The following CIMAP1D variants were observed in gnomAD, a reference collection of about 807,000 sequenced individuals.
CIMAP1D encodes CIMAP1 family member D, also known as protein CIMAP1D.
the CIMAP1D span, among the ~76,000 whole-genome samples, chr19:468,445 G>A: frequency 2.0e-5 from 3 of 152,148 alleles, no homozygotes; most frequent in Non-Finnish European, 4.4e-5. Flanking sequence ...CTGGCAGGTC[G>A]CATGCTTAAG....
At chr19:481,448 TGGGGA>T in the CIMAP1D span, among the ~76,000 whole-genome samples, 1 of 40,698 alleles carries the variant, frequency 2.5e-5, no homozygotes, top group Non-Finnish European at 3.9e-5. Context: ...GGAAGGATGA[TGGGGA>T]AGGATGATGG....
chr19:470,686 C>T, the CIMAP1D span, among the ~76,000 whole-genome samples: 3 of 152,178 alleles, frequency 2.0e-5, no homozygotes, highest in Non-Finnish European at 4.4e-5. Flanking sequence ...CCCAGCAGGC[C>T]TCTGTCCAAA....
the CIMAP1D span, among the ~76,000 whole-genome samples, chr19:467,095 G>A: frequency 3.6e-5 from 5 of 137,224 alleles, no homozygotes; most frequent in Non-Finnish European, 7.8e-5. Context: ...GTGGATGGAC[G>A]GGTGGATAGA....
chr19:488,760 C>A, the CIMAP1D span, among the ~76,000 whole-genome samples: 3 of 152,188 alleles, frequency 2.0e-5, no homozygotes, highest in Non-Finnish European at 4.4e-5. Flanking sequence ...CAGGACCCGG[C>A]TTCCCAGTCT....
chr19:483,230 C>T, the CIMAP1D span, among the ~76,000 whole-genome samples: 1 of 151,756 alleles, frequency 6.6e-6, no homozygotes, highest in Non-Finnish European at 1.5e-5. Flanking sequence ...CTCACAGCCA[C>T]GGCCCAGTCC....
the CIMAP1D span, among the ~76,000 whole-genome samples, chr19:468,910 C>T: frequency 7.7e-6 from 1 of 129,806 alleles, no homozygotes; most frequent in East Asian, 2.2e-4. Context: ...GTCCGTGGCA[C>T]GCAGCGTGGC....
chr19:469,713 A>G, the CIMAP1D span, among the ~76,000 whole-genome samples: 3 of 151,862 alleles, frequency 2.0e-5, no homozygotes, highest in Non-Finnish European at 4.4e-5. Flanking sequence ...AAAAAGAAAA[A>G]GAAATCCCTG....
the CIMAP1D span, among the ~76,000 whole-genome samples, chr19:477,015 C>T: frequency 6.6e-6 from 1 of 152,010 alleles, no homozygotes; most frequent in Non-Finnish European, 1.5e-5. Flanking sequence ...AAGACCAGCC[C>T]AGGCAACATG....
the CIMAP1D span, among the ~76,000 whole-genome samples, chr19:486,863 G>A: frequency 3.9e-5 from 6 of 152,090 alleles, no homozygotes; most frequent in Admixed American, 6.6e-5. Flanking sequence ...GTAGTGAGCC[G>A]AGATTGTGCC....
the CIMAP1D span, among the ~76,000 whole-genome samples, chr19:487,968 T>C: frequency 5.4e-3 from 825 of 152,250 alleles, 9 homozygotes; most frequent in African/African-American, 0.019. Flanking sequence ...CCTTGTCCTG[T>C]TCTGTTCCGA....
At chr19:484,853 G>A in the CIMAP1D span, among the ~76,000 whole-genome samples, 1 of 152,198 alleles carries the variant, frequency 6.6e-6, no homozygotes, top group Non-Finnish European at 1.5e-5. Flanking sequence ...TGGGAGCCAC[G>A]GAGGCCTCTG....
At chr19:464,381 G>A in the CIMAP1D span, 4 of 1,464,022 alleles carry the variant, frequency 2.7e-6, no homozygotes, top group South Asian at 4.9e-5. Flanking sequence ...GAGTGGGGAA[G>A]GAAAGGTGGC....
the CIMAP1D span, chr19:490,285 G>A: frequency 7.2e-6 from 2 of 277,646 alleles, no homozygotes; most frequent in Non-Finnish European, 1.3e-5. Context: ...GAACCCGTGA[G>A]GTGGAGGTTG....
the CIMAP1D span, among the ~76,000 whole-genome samples, chr19:484,543 A>G: frequency 6.6e-6 from 1 of 152,204 alleles, no homozygotes; most frequent in Admixed American, 6.5e-5. Context: ...GGGTCTTCAC[A>G]TACGGTGGCC....
chr19:483,041 G>C, the CIMAP1D span, among the ~76,000 whole-genome samples: 6 of 152,176 alleles, frequency 3.9e-5, no homozygotes, highest in African/African-American at 1.2e-4. Context: ...ATGTCAGCCT[G>C]ACTCCACAGG....
chr19:469,373 G>T, the CIMAP1D span, among the ~76,000 whole-genome samples: 2 of 152,096 alleles, frequency 1.3e-5, no homozygotes, highest in African/African-American at 4.8e-5. Context: ...GCACCACCAT[G>T]CCCTGCTAAT....
the CIMAP1D span, among the ~76,000 whole-genome samples, chr19:470,226 C>T: frequency 2.7e-5 from 3 of 109,220 alleles, no homozygotes; most frequent in East Asian, 2.6e-4. Flanking sequence ...TTTTTTTTTG[C>T]GACGGAGTCT....
the CIMAP1D span, chr19:489,423 C>G: frequency 1.2e-4 from 19 of 152,790 alleles, no homozygotes; most frequent in African/African-American, 4.6e-4. Flanking sequence ...ACCCTCTACG[C>G]CCGACCCGCC....
chr19:467,680 G>A, the CIMAP1D span: 1 of 1,611,918 alleles, frequency 6.2e-7, no homozygotes, highest in Non-Finnish European at 8.5e-7. Context: ...GCATGGAGTA[G>A]GCAGGGGTGC....
Sources: gnomAD v4.1 joint callset for allele counts (sites outside exome capture counted in the v4.1 genomes callset) on GRCh38, gnomAD v4.1.1 for gene constraint, MANE v1.5 for transcripts, NCBI Gene and HGNC (gene_info 2026-07-23, HGNC 2026-07-21) for gene names.